The following CCSER1 variants were observed in gnomAD, a reference collection of about 807,000 sequenced individuals.
CCSER1 encodes coiled-coil serine rich protein 1.
Under a neutral mutation model 82.0 loss-of-function variants are expected in CCSER1, and 41 were observed. That is an observed-to-expected ratio of 0.50 (90% CI 0.39 to 0.65). CCSER1 has a LOEUF of 0.65. Among genes scored for constraint, CCSER1 ranks in the 30% least tolerant of loss-of-function variants. The pLI is 0.00. For synonymous variants in CCSER1, 414 were observed against 383.9 expected (o/e 1.08, Z -0.92); for missense variants, 1,119 against 1,064.2 (o/e 1.05, Z -0.72).
At chr4:91,020,921 A>G (rs1441505901) in intron 9 of CCSER1, among the ~76,000 whole-genome samples, 1 of 152,192 alleles carries the variant, frequency 6.6e-6, no homozygotes, top group Non-Finnish European at 1.5e-5. Context: ...TATCTAATGG[A>G]AAGGTTAAAA....
chr4:91,350,357 C>G (rs1431138850), intron 10 of CCSER1, among the ~76,000 whole-genome samples: 1 of 151,894 alleles, frequency 6.6e-6, no homozygotes, highest in Non-Finnish European at 1.5e-5. Flanking sequence ...TTATACTTAC[C>G]TTAAAAACCT....
intron 5 of CCSER1, among the ~76,000 whole-genome samples, chr4:90,490,874 G>A (rs1767898113): frequency 6.6e-6 from 1 of 151,914 alleles, no homozygotes; most frequent in African/African-American, 2.4e-5. Flanking sequence ...CTGTTCCATT[G>A]GTCTATAGCT....
intron 6 of CCSER1, among the ~76,000 whole-genome samples, chr4:90,691,210 C>A (rs772784393): frequency 1.9e-4 from 29 of 151,890 alleles, no homozygotes; most frequent in Non-Finnish European, 3.5e-4. Flanking sequence ...ACTATTAAAT[C>A]TTTACAGAGG....
intron 6 of CCSER1, among the ~76,000 whole-genome samples, chr4:90,664,790 C>T (rs1731423843): frequency 2.0e-5 from 3 of 152,048 alleles, no homozygotes; most frequent in South Asian, 4.1e-4. Context: ...ATCCCAGTGA[C>T]TCGGGAGGCT....
intron 10 of CCSER1, among the ~76,000 whole-genome samples, chr4:91,477,480 T>A (rs1191661241): frequency 1.3e-5 from 2 of 151,402 alleles, no homozygotes; most frequent in African/African-American, 4.8e-5. Context: ...ATAGCTCCAA[T>A]TTTTTTTATT....
chr4:90,544,070 C>T (rs1214230319), intron 5 of CCSER1, among the ~76,000 whole-genome samples: 1 of 152,058 alleles, frequency 6.6e-6, no homozygotes, highest in East Asian at 1.9e-4. Flanking sequence ...GCCCCAATTC[C>T]CAGGGGACTA....
intron 1 of CCSER1, among the ~76,000 whole-genome samples, chr4:90,279,208 A>G (rs561799497): frequency 6.6e-6 from 1 of 152,178 alleles, no homozygotes; most frequent in South Asian, 2.1e-4. Context: ...TCTGGAATGT[A>G]TAAAACTTAA....
chr4:90,202,999 T>C (rs1404524730), intron 1 of CCSER1, among the ~76,000 whole-genome samples: 1 of 152,176 alleles, frequency 6.6e-6, no homozygotes, highest in African/African-American at 2.4e-5. Context: ...TTTCAAAAAA[T>C]GATAGTAAAC....
chr4:90,383,745 T>G (rs1749576461), intron 3 of CCSER1, among the ~76,000 whole-genome samples: 1 of 152,026 alleles, frequency 6.6e-6, no homozygotes, highest in Non-Finnish European at 1.5e-5. Flanking sequence ...TTTTTTTCTT[T>G]TTTAAATACA....
intron 9 of CCSER1, among the ~76,000 whole-genome samples, chr4:91,082,654 C>A (rs1722902948): frequency 6.6e-6 from 1 of 152,114 alleles, no homozygotes; most frequent in African/African-American, 2.4e-5. Flanking sequence ...TTTTTACAAT[C>A]TACCCATCTG....
At chr4:91,021,368 C>G (rs1033943756) in intron 9 of CCSER1, among the ~76,000 whole-genome samples, 2 of 152,112 alleles carry the variant, frequency 1.3e-5, no homozygotes, top group African/African-American at 4.8e-5. Flanking sequence ...AAATGACAGA[C>G]TTTGTAAAAA....
At chr4:90,266,879 G>T (rs1190656356) in intron 1 of CCSER1, among the ~76,000 whole-genome samples, 1 of 151,954 alleles carries the variant, frequency 6.6e-6, no homozygotes. Context: ...TCCTAGGCAA[G>T]TCTTAGTACT....
At position 91,392,369 on chromosome 4, in the gene CCSER1, A is replaced by ACG. The variant is rs1383281658; in HGVS notation, c.2218-206202_2218-206201insGC. Among the ~76,000 whole-genome samples the ACG allele has an allele frequency of 5.6e-3, 853 of 151,014 alleles. 6 individuals are homozygous for ACG. Among genetic ancestry groups the ACG allele is most frequent in the African/African-American group, 0.019 (770 of 41,164 alleles). On this transcript the variant is annotated intron_variant, in intron 10 of 10. Coordinates refer to ENST00000509176, the MANE Select transcript of CCSER1 (RefSeq NM_001145065.2). ...CAATATGAAACCTACACATGCACAC[A>ACG]CACACACACACACACACACACTTAC... is the stretch of plus-strand genomic sequence containing the variant.
chr4:90,777,713 TGTG>T (rs1463596953), intron 7 of CCSER1, among the ~76,000 whole-genome samples: 1 of 152,148 alleles, frequency 6.6e-6, no homozygotes, highest in Non-Finnish European at 1.5e-5. Flanking sequence ...CACATTAAAG[TGTG>T]TTTAAAACCA....
At chr4:90,457,506 A>G (rs1762341216) in intron 4 of CCSER1, among the ~76,000 whole-genome samples, 1 of 152,180 alleles carries the variant, frequency 6.6e-6, no homozygotes, top group Admixed American at 6.5e-5. Flanking sequence ...GCTACAGTAC[A>G]GCTCTCCAGA....
In CCSER1 at chr4:90,887,955, C is replaced by A. The variant is rs1329139023; in HGVS notation, c.2095-35415C>A. Among the ~76,000 whole-genome samples the A allele has an allele frequency of 2.0e-5, 3 of 152,148 alleles. No individual in the cohort carries two copies. In the East Asian group the frequency reaches 5.8e-4, roughly 29 times the overall value. On this transcript the variant is annotated intron_variant, in intron 8 of 10. Transcript: ENST00000509176. ...AACAATGACAGAGAGATCAACACATCTGGAATTTAGTTATGAGAAAAGCAA... is the reference window on the plus strand; with the variant it reads ...AACAATGACAGAGAGATCAACACATATGGAATTTAGTTATGAGAAAAGCAA...
At chr4:90,945,155 G>A (rs1732080027) in intron 9 of CCSER1, among the ~76,000 whole-genome samples, 1 of 152,012 alleles carries the variant, frequency 6.6e-6, no homozygotes, top group South Asian at 2.1e-4. Flanking sequence ...AAAGAATTTA[G>A]TGATTTAACT....
intron 1 of CCSER1, among the ~76,000 whole-genome samples, chr4:90,169,971 A>G (rs997658325): frequency 1.3e-5 from 2 of 151,536 alleles, no homozygotes; most frequent in South Asian, 2.1e-4. Flanking sequence ...TCCCTTTTCT[A>G]TCTGTCCTTA....
chr4:90,920,364 A>G lies in CCSER1; in HGVS notation c.2095-3006A>G, dbSNP rs140108515. Among the ~76,000 whole-genome samples the G allele has an allele frequency of 1.2e-4, 19 of 152,070 alleles. No individual in the cohort carries two copies. The East Asian group carries it at 3.3e-3, about 26-fold the overall frequency. ...CTCAAATCTTTTGGCATAGCATTCT[A>G]TCCTTTCTGGCATAAACTTGAGTTA... On this transcript the variant is annotated intron_variant, in intron 8 of 10. Transcript: ENST00000509176.
Sources: gnomAD v4.1 joint callset for allele counts (sites outside exome capture counted in the v4.1 genomes callset) on GRCh38, gnomAD v4.1.1 for gene constraint, MANE v1.5 for transcripts, NCBI Gene and HGNC (gene_info 2026-07-23, HGNC 2026-07-21) for gene names.